The following SPTBN4 variants were observed in gnomAD, a reference collection of about 807,000 sequenced individuals.
The protein encoded by SPTBN4 is spectrin beta, non-erythrocytic 4, also known as spectrin beta chain, non-erythrocytic 4.
SPTBN4 carries 96 observed loss-of-function variants against 277.8 expected under a neutral mutation model. The ratio of observed to expected loss-of-function variants is 0.35; its 90% confidence interval spans 0.29 to 0.41. The LOEUF (loss-of-function observed/expected upper bound fraction) is 0.41. SPTBN4 is among the 10% of genes least tolerant of loss of function. SPTBN4 has a pLI of 1.00. For synonymous variants in SPTBN4, 1,481 were observed against 1,580.3 expected, an observed-to-expected ratio of 0.94 and a Z score of 1.49; for missense variants, 3,006 against 3,595.7, an observed-to-expected ratio of 0.84 and a Z score of 4.19.
Position 40,554,028 on chromosome 19 carries a change from C to A in SPTBN4, c.4675-119C>A, listed in dbSNP as rs989399496. The A allele has an allele frequency of 9.6e-7, 1 of 1,038,290 alleles. No homozygotes were observed. Among genetic ancestry groups the A allele is most frequent in the Non-Finnish European group, 1.3e-6 (1 of 768,088 alleles). The allele number at this position is 1,038,290 out of a possible 1,614,324, so 64.3% of individuals were successfully genotyped here. A position where few individuals can be genotyped will look rare whatever the true frequency, so the allele number is the denominator to read the frequency against. On this transcript the variant is annotated intron_variant, in intron 22 of 35. Coordinates refer to ENST00000598249, the MANE Select transcript of SPTBN4 (RefSeq NM_020971.3). The surrounding 1 kb of genome is among the most constrained non-coding windows in gnomAD (Gnocchi z 5.7). Reference sequence around the variant, plus strand: ...TTACATGGTCTTGGCACGTGGTTAGCGAGCTGGGGGTGCTTGTTAATTGCC... The same window carrying A: ...TTACATGGTCTTGGCACGTGGTTAGAGAGCTGGGGGTGCTTGTTAATTGCC...
intron 20 of SPTBN4, among the ~76,000 whole-genome samples, chr19:40,543,110 A>C (rs1289007019): frequency 6.6e-6 from 1 of 152,102 alleles, no homozygotes; most frequent in Non-Finnish European, 1.5e-5. Context: ...TAGGAAGCCC[A>C]TGGGAAAGAG....
chr19:40,476,774 A>G (rs2145805692), intron 2 of SPTBN4, among the ~76,000 whole-genome samples: 1 of 152,134 alleles, frequency 6.6e-6, no homozygotes, highest in Non-Finnish European at 1.5e-5. Flanking sequence ...TTTTTAGCAG[A>G]GATGGGGTTT....
intron 15 of SPTBN4, among the ~76,000 whole-genome samples, chr19:40,518,931 ATATC>A (rs1741884156): frequency 6.6e-6 from 1 of 152,150 alleles, no homozygotes; most frequent in African/African-American, 2.4e-5. Context: ...TTAAATCTAA[ATATC>A]TAACGTGTTA....
chr19:40,566,004 A>C (rs781181788), intron 29 of SPTBN4, among the ~76,000 whole-genome samples, 159 bp from the exon 30 acceptor site: 8 of 152,086 alleles, frequency 5.3e-5, no homozygotes, highest in Non-Finnish European at 8.8e-5. Flanking sequence ...AATGATGCCC[A>C]CTGAAATAGC....
chr19:40,562,822 G>T (rs948239369), intron 27 of SPTBN4, among the ~76,000 whole-genome samples: 5 of 149,334 alleles, frequency 3.3e-5, no homozygotes, highest in African/African-American at 1.2e-4. Flanking sequence ...CAACAAGAGC[G>T]AAATTCCATC....
intron 28 of SPTBN4, 41 bp downstream of exon 28, chr19:40,565,602 C>T: frequency 6.3e-7 from 1 of 1,592,100 alleles, no homozygotes; most frequent in Admixed American, 1.8e-5. Flanking sequence ...CACCCGGGCA[C>T]ATTGGGGTGG....
chr19:40,476,878 C>T (rs1299121216), intron 2 of SPTBN4, among the ~76,000 whole-genome samples: 1 of 151,756 alleles, frequency 6.6e-6, no homozygotes, highest in Non-Finnish European at 1.5e-5. Context: ...TGAGCCACCG[C>T]GCCCGTCCTG....
chr19:40,569,163 C>G (rs981064518), intron 31 of SPTBN4, among the ~76,000 whole-genome samples: 2 of 152,114 alleles, frequency 1.3e-5, no homozygotes, highest in East Asian at 3.9e-4. Flanking sequence ...CGGTGGCTCA[C>G]GCCTGTAATC....
chr19:40,509,044 G>A (rs554994428), intron 13 of SPTBN4, among the ~76,000 whole-genome samples: 28 of 149,086 alleles, frequency 1.9e-4, no homozygotes, highest in Middle Eastern at 3.5e-3. Context: ...TGATATGAGC[G>A]TTCTGTGAGT....
intron 15 of SPTBN4, among the ~76,000 whole-genome samples, chr19:40,516,398 G>T (rs1367515683): frequency 6.6e-6 from 1 of 151,912 alleles, no homozygotes; most frequent in African/African-American, 2.4e-5. Context: ...CAACACCTAG[G>T]CTCAAGCGAT....
At chr19:40,472,287 C>T (rs8102684) in intron 1 of SPTBN4, among the ~76,000 whole-genome samples, 26,625 of 151,814 alleles carry the variant, frequency 0.18, 2,671 homozygotes, top group African/African-American at 0.26. Context: ...TCAAGCAATC[C>T]GCCCTCCTCA....
chr19:40,557,092 G>A lies in SPTBN4; in HGVS notation c.5359G>A (p.Val1787Met). 1 of 1,598,376 alleles carries A rather than the reference G, an allele frequency of 6.3e-7. No individual in the cohort carries two copies. The highest frequency in any genetic ancestry group is 8.6e-7 in the Non-Finnish European group (1 of 1,168,954). The change falls in exon 26 of 36, where the codon GTG becomes ATG. Residue 1787 changes from valine (V) to methionine (M), a missense_variant. By Grantham distance (21) the Val-to-Met change is conservative. Transcript: ENST00000598249. ...GGCAGGGCGGGAACGGCTGGCAGCT[G>A]TGAACCAGATGGTGGATGAGCTGAT... ...GMAGRERLAAVNQMVDELIEC... is the reference protein window; with the variant it reads ...GMAGRERLAAMNQMVDELIEC...
At chr19:40,520,924 C>T (rs2080519413) in intron 16 of SPTBN4, among the ~76,000 whole-genome samples, 1 of 151,778 alleles carries the variant, frequency 6.6e-6, no homozygotes, top group South Asian at 2.1e-4. Context: ...CAGTGGTCCC[C>T]AATCTTTTTT....
At chr19:40,538,191 CCAACCTGGG>C (rs72462771) in intron 20 of SPTBN4, among the ~76,000 whole-genome samples, 65,047 of 151,486 alleles carry the variant, frequency 0.43, 14,725 homozygotes, top group African/African-American at 0.47. Flanking sequence ...GAATTCAAGA[CCAACCTGGG>C]CAACATGGCA....
At chr19:40,484,955 A>G (rs2080054837) in intron 2 of SPTBN4, among the ~76,000 whole-genome samples, 1 of 144,690 alleles carries the variant, frequency 6.9e-6, no homozygotes, top group African/African-American at 2.7e-5. Context: ...AACAAAAACC[A>G]AAAAACAAAA....
In SPTBN4 at chr19:40,519,945, G is replaced by C. The variant is rs2080506764; in HGVS notation, c.3448G>C (p.Val1150Leu). The C allele has an allele frequency of 1.3e-6, 2 of 1,545,754 alleles. No individual in the cohort carries two copies. Among genetic ancestry groups the C allele is most frequent in the African/African-American group, 1.4e-5 (1 of 70,562 alleles). Residue 1150 changes from valine to leucine, a missense_variant, in exon 16 of 36, where the codon GTG (valine) becomes CTG (leucine). By Grantham distance (32) the Val-to-Leu change is conservative (BLOSUM62 1). This residue lies in a region of SPTBN4 where 1,759 missense variants were observed against 2,061.5 expected (regional missense o/e 0.85). Coordinates refer to ENST00000598249, the MANE Select transcript of SPTBN4 (RefSeq NM_020971.3). This position sits in a 1 kb window ranked among gnomAD's most constrained non-coding sequence, Gnocchi z 5.7. ...GCGCGAGGAAGACTATGCTCGCATC[G>C]TGGCGGCCAGCGAGGCGCTGCTGGC... is the stretch of plus-strand genomic sequence containing the variant. ...DQREEDYARI[V>L]AASEALLAAD...
At chr19:40,526,506 G>C (rs998514972) in intron 17 of SPTBN4, among the ~76,000 whole-genome samples, 14 of 151,966 alleles carry the variant, frequency 9.2e-5, no homozygotes, top group Non-Finnish European at 2.1e-4. Flanking sequence ...TTGCATGTGA[G>C]GCTCAGAGGG....
In SPTBN4 at chr19:40,515,531, A is replaced by C; in HGVS notation, c.2903+83A>C. The C allele has an allele frequency of 1.8e-4, 247 of 1,356,514 alleles. No homozygotes were observed. Among genetic ancestry groups the C allele is most frequent in the Middle Eastern group, 2.7e-4 (1 of 3,760 alleles). The allele number at this position is 1,356,514 out of a possible 1,614,324, so 84.0% of individuals were successfully genotyped here. On this transcript the variant is annotated intron_variant, in intron 15 of 35. Transcript: ENST00000598249. The surrounding 1 kb of genome is among the most constrained non-coding windows in gnomAD (Gnocchi z 4.1). ...CATGGACAGCAAGATGTGCAATCTC[A>C]AACCCCTGGAATCATAATGGCCACC...
In SPTBN4 at chr19:40,515,435, C is replaced by T. The variant is rs1250334805; in HGVS notation, c.2890C>T (p.His964Tyr). 1 of 1,563,456 alleles carries T rather than the reference C, an allele frequency of 6.4e-7. No individual in the cohort carries two copies. ...SSDEVRSCQD[H>Y]LNSRWNRIVE... is the part of the protein sequence containing the mutation. ...AGATGAGGTGCGTTCCTGCCAGGAC[C>T]ACCTCAACAGCAGGTAGGAGGGCCT... The change falls in exon 15 of 36, where the codon CAC becomes TAC. Residue 964 changes from histidine to tyrosine, a missense_variant. Physicochemically the swap from His to Tyr is moderately conservative, Grantham distance 83. Coordinates refer to ENST00000598249, the MANE Select transcript of SPTBN4 (RefSeq NM_020971.3). This position sits in a 1 kb window ranked among gnomAD's most constrained non-coding sequence, Gnocchi z 4.1.
Sources: allele counts gnomAD v4.1 joint callset (sites outside exome capture counted in the v4.1 genomes callset), GRCh38; gene constraint gnomAD v4.1.1; regional missense constraint gnomAD v4.1.1; non-coding constraint Gnocchi (gnomAD v3.1); transcripts MANE v1.5; gene names NCBI Gene and HGNC (gene_info 2026-07-23, HGNC 2026-07-21).